Variants in ACKR3 observed in about 807,000 individuals in gnomAD.
The protein encoded by ACKR3 is C-X-C chemokine receptor type 7.
In ACKR3, 6 loss-of-function variants were observed where a neutral mutation model predicts 22.4. That is an observed-to-expected ratio of 0.27 (90% CI 0.15 to 0.53). The LOEUF (loss-of-function observed/expected upper bound fraction) is 0.53, where lower values mean the gene tolerates loss of function less well. ACKR3 is among the 20% of genes least tolerant of loss of function. The probability of loss-of-function intolerance (pLI) is 0.96; values close to 1 mark genes in which losing one functional copy is unlikely to be tolerated. For synonymous variants in ACKR3, 209 were observed against 205.2 expected (o/e 1.02, Z -0.16); for missense variants, 396 against 475.2 (o/e 0.83, Z 1.55).
upstream of ACKR3, among the ~76,000 whole-genome samples, chr2:236,563,278 A>G (rs1277632731): frequency 6.6e-6 from 1 of 152,246 alleles, no homozygotes; most frequent in Non-Finnish European, 1.5e-5. Flanking sequence ...TTATTCATTT[A>G]GTCAATATTT....
At chr2:236,573,841 C>A (rs1691355822) in intron 1 of ACKR3, among the ~76,000 whole-genome samples, 1 of 152,200 alleles carries the variant, frequency 6.6e-6, no homozygotes, top group Non-Finnish European at 1.5e-5. Context: ...ATGGACAAGC[C>A]CTGGTCATAT....
upstream of ACKR3, among the ~76,000 whole-genome samples, chr2:236,566,083 C>T (rs1204234708): frequency 6.6e-6 from 1 of 152,216 alleles, no homozygotes; most frequent in Non-Finnish European, 1.5e-5. Context: ...CCCTACCGGC[C>T]GCCGCTCTGG....
chr2:236,571,118 C>CTG (rs1691298578), intron 1 of ACKR3, among the ~76,000 whole-genome samples: 1 of 152,244 alleles, frequency 6.6e-6, no homozygotes, highest in Non-Finnish European at 1.5e-5. Flanking sequence ...CTGCTGGTTT[C>CTG]TGTGCTTTAA....
chr2:236,542,121 A>C, the ACKR3 span, among the ~76,000 whole-genome samples: 1 of 152,220 alleles, frequency 6.6e-6, no homozygotes, highest in Non-Finnish European at 1.5e-5. Flanking sequence ...TGTCTACAGC[A>C]GGGAGATGTG....
chr2:236,541,747 A>C, the ACKR3 span, among the ~76,000 whole-genome samples: 1 of 152,190 alleles, frequency 6.6e-6, no homozygotes, highest in African/African-American at 2.4e-5. Flanking sequence ...AGGTGGAGAT[A>C]ATTGAATTAT....
chr2:236,562,991 TG>T (rs1340076533), upstream of ACKR3, among the ~76,000 whole-genome samples: 2 of 152,162 alleles, frequency 1.3e-5, no homozygotes, highest in African/African-American at 4.8e-5. Context: ...CCCTTCTGGT[TG>T]GTGTGCAGTT....
At chr2:236,553,511 G>A in the ACKR3 span, among the ~76,000 whole-genome samples, 14 of 152,380 alleles carry the variant, frequency 9.2e-5, no homozygotes, top group Middle Eastern at 3.4e-3. Flanking sequence ...GGAGAACATA[G>A]GCTGAGCTGG....
the ACKR3 span, among the ~76,000 whole-genome samples, chr2:236,545,667 G>A: frequency 6.6e-6 from 1 of 152,156 alleles, no homozygotes; most frequent in Non-Finnish European, 1.5e-5. The surrounding 1 kb of genome is among the most constrained non-coding windows in gnomAD (Gnocchi z 5.3). Context: ...TTACAACTTG[G>A]TTATGAAACA....
upstream of ACKR3, among the ~76,000 whole-genome samples, chr2:236,565,228 T>C (rs1691154518): frequency 6.6e-6 from 1 of 152,214 alleles, no homozygotes; most frequent in East Asian, 1.9e-4. Flanking sequence ...AAGGCTCTAT[T>C]ATAATTATAA....
At chr2:236,551,574 G>T in the ACKR3 span, among the ~76,000 whole-genome samples, 27 of 152,274 alleles carry the variant, frequency 1.8e-4, no homozygotes, top group African/African-American at 6.0e-4. Flanking sequence ...CAGCTGATTT[G>T]CAGCCTAACT....
At chr2:236,561,950 A>T in the ACKR3 span, among the ~76,000 whole-genome samples, 8 of 152,194 alleles carry the variant, frequency 5.3e-5, no homozygotes, top group Admixed American at 4.6e-4. Context: ...TCCAATCCAT[A>T]TGGCTTTTAT....
At chr2:236,562,454 C>A in the ACKR3 span, among the ~76,000 whole-genome samples, 2 of 151,842 alleles carry the variant, frequency 1.3e-5, no homozygotes, top group Admixed American at 1.3e-4. Flanking sequence ...ATAAATAGTC[C>A]TGCTGTAAAC....
At chr2:236,573,765 C>T (rs1691355013) in intron 1 of ACKR3, among the ~76,000 whole-genome samples, 1 of 152,232 alleles carries the variant, frequency 6.6e-6, no homozygotes, top group Non-Finnish European at 1.5e-5. Flanking sequence ...GTTCGTATCA[C>T]TTCCATTCTC....
Position 236,581,738 on chromosome 2 carries a change from G to C in ACKR3, c.*184G>C, listed in dbSNP as rs998140266. The C allele has an allele frequency of 1.3e-6, 1 of 781,468 alleles. No homozygotes were observed. Among genetic ancestry groups the C allele is most frequent in the Admixed American group, 3.1e-5 (1 of 32,508 alleles). The allele number at this position is 781,468 out of a possible 1,614,324, so 48.4% of individuals were successfully genotyped here. ...GATGACGCAGCTGTCATTTGGCTGTGCGTGCTGACAGTTTTGCAACAGGCA... is the reference window on the plus strand; with the variant it reads ...GATGACGCAGCTGTCATTTGGCTGTCCGTGCTGACAGTTTTGCAACAGGCA... On this transcript the variant is annotated 3_prime_UTR_variant, in exon 2 of 2. Transcript: ENST00000272928. This position sits in a 1 kb window ranked among gnomAD's most constrained non-coding sequence, Gnocchi z 4.4.
the ACKR3 span, among the ~76,000 whole-genome samples, chr2:236,558,040 C>T: frequency 1.3e-5 from 2 of 152,182 alleles, no homozygotes; most frequent in Non-Finnish European, 2.9e-5. Flanking sequence ...CTAAAGGCAC[C>T]ACGTGATTCT....
the ACKR3 span, among the ~76,000 whole-genome samples, chr2:236,562,004 C>T: frequency 1.3e-5 from 2 of 152,194 alleles, no homozygotes; most frequent in South Asian, 4.1e-4. Context: ...TTCTAGTACA[C>T]TGTTGAAGGG....
the ACKR3 span, among the ~76,000 whole-genome samples, chr2:236,547,913 G>T: frequency 6.8e-6 from 1 of 146,954 alleles, no homozygotes; most frequent in Non-Finnish European, 1.5e-5. Context: ...TGTGCTTCCT[G>T]AATCTGAGGA....
intron 1 of ACKR3, among the ~76,000 whole-genome samples, chr2:236,571,702 G>C (rs1313921644): frequency 1.3e-5 from 2 of 151,780 alleles, no homozygotes; most frequent in African/African-American, 2.4e-5. Flanking sequence ...TCATTTTAGG[G>C]CGAGAGCTCC....
At chr2:236,578,444 G>A (rs539059392) in intron 1 of ACKR3, among the ~76,000 whole-genome samples, 2 of 152,308 alleles carry the variant, frequency 1.3e-5, no homozygotes, top group East Asian at 1.9e-4. Flanking sequence ...CTCTGAGGAC[G>A]GCCAGGCCTC....
Sources: gnomAD v4.1 joint callset for allele counts (sites outside exome capture counted in the v4.1 genomes callset) on GRCh38, gnomAD v4.1.1 for gene constraint, Gnocchi (gnomAD v3.1) non-coding constraint, MANE v1.5 for transcripts, NCBI Gene and HGNC (gene_info 2026-07-23, HGNC 2026-07-21) for gene names.